The following ADCY2 variants were observed in gnomAD, a reference collection of about 807,000 sequenced individuals.
The protein encoded by ADCY2 is adenylate cyclase 2.
In ADCY2, 31 loss-of-function variants were observed where a neutral mutation model predicts 125.2. The ratio of observed to expected loss-of-function variants is 0.25; its 90% CI spans 0.19 to 0.33. ADCY2 has a LOEUF of 0.33. ADCY2 is among the 10% of genes least tolerant of loss of function. ADCY2 has a pLI of 1.00. For synonymous variants in ADCY2, 512 were observed against 548.4 expected, an observed-to-expected ratio of 0.93 and a Z score of 0.93; for missense variants, 904 against 1,418.2, an observed-to-expected ratio of 0.64 and a Z score of 5.82.
chr5:7,745,353 T>G (rs749878690), intron 15 of ADCY2, among the ~76,000 whole-genome samples: 19 of 152,230 alleles, frequency 1.2e-4, no homozygotes, highest in Non-Finnish European at 2.4e-4. Context: ...TTTTGTTTAC[T>G]GTTTGATAGT....
In ADCY2 at chr5:7,584,530, C is replaced by T. The variant is rs140070836; in HGVS notation, c.571-41637C>T. Among the ~76,000 whole-genome samples, 27 of 152,174 alleles carry T rather than the reference C, an allele frequency of 1.8e-4. No homozygotes were observed. The East Asian group carries it at 5.2e-3, about 29-fold the overall frequency. On this transcript the variant is annotated intron_variant, in intron 3 of 24. Transcript: ENST00000338316. ...TAGATCAAAAAGAAGAAAGTATAGA[C>T]ACGTATCACTATGTTTGGAGATTGT... is the stretch of plus-strand genomic sequence containing the variant.
chr5:7,731,199 TG>T (rs1433803649), intron 14 of ADCY2, among the ~76,000 whole-genome samples: 1 of 152,086 alleles, frequency 6.6e-6, no homozygotes, highest in Non-Finnish European at 1.5e-5. Flanking sequence ...CTAACCTTTT[TG>T]TATATATAAT....
At position 7,396,288 on chromosome 5, in the gene ADCY2, G is replaced by C; in HGVS notation, c.-9G>C. On this transcript the variant is annotated 5_prime_UTR_variant, in exon 1 of 25. Transcript: ENST00000338316. The surrounding 1 kb of genome is among the most constrained non-coding windows in gnomAD (Gnocchi z 5.7). Reference sequence around the variant, plus strand: ...GGCGCGCACGGCGGGCGCCCTGTGAGCGGCCCCGATGTGGCAGGAGGCGAT... The same window carrying C: ...GGCGCGCACGGCGGGCGCCCTGTGACCGGCCCCGATGTGGCAGGAGGCGAT... The C allele has an allele frequency of 8.1e-7, 1 of 1,231,778 alleles. No individual in the cohort carries two copies. Among genetic ancestry groups the C allele is most frequent in the South Asian group, 2.5e-5 (1 of 39,274 alleles). The allele number at this position is 1,231,778 out of a possible 1,614,324, so 76.3% of individuals were successfully genotyped here.
At chr5:7,611,261 A>G (rs1692457773) in intron 3 of ADCY2, 1 of 152,200 alleles carries the variant, frequency 6.6e-6, no homozygotes, top group Admixed American at 6.5e-5. Context: ...AATGTTTCTC[A>G]AGTAGTTAAA....
intron 2 of ADCY2, among the ~76,000 whole-genome samples, chr5:7,454,526 G>T (rs187798724): frequency 1.2e-3 from 177 of 152,250 alleles, no homozygotes; most frequent in African/African-American, 4.0e-3. Flanking sequence ...CTATCTTGCT[G>T]CCTCTTCCAA....
At chr5:7,444,177 G>T (rs1411325329) in intron 2 of ADCY2, among the ~76,000 whole-genome samples, 1 of 148,786 alleles carries the variant, frequency 6.7e-6, no homozygotes, top group Non-Finnish European at 1.5e-5. Context: ...GCAGTGGCGG[G>T]ATCTCGGCTC....
chr5:7,436,026 T>A (rs1389103453), intron 2 of ADCY2, among the ~76,000 whole-genome samples: 5 of 152,228 alleles, frequency 3.3e-5, no homozygotes, highest in Non-Finnish European at 7.3e-5. Flanking sequence ...GTTCCATATT[T>A]GTGAATTTAC....
chr5:7,551,790 G>A (rs947850647), intron 3 of ADCY2, among the ~76,000 whole-genome samples: 9 of 152,162 alleles, frequency 5.9e-5, no homozygotes, highest in African/African-American at 1.7e-4. Context: ...TACTAGATAT[G>A]TTTCTTTGAA....
At position 7,429,099 on chromosome 5, in the gene ADCY2, TAAGAGCAATCTACTGAGGCCA is replaced by T. The variant is rs529748143; in HGVS notation, c.408+14334_408+14354del. 9.2e-5 allele frequency among the ~76,000 whole-genome samples: 14 copies of T among 152,126 alleles called. No individual in the cohort carries two copies. The South Asian group carries it at 2.9e-3, about 32-fold the overall frequency. ...AGCAGAGTACTGACAGGCACATGCC[TAAGAGCAATCTACTGAGGCCA>T]AAGAAAAAAGCTCCAGGAAAGAGCA... On this transcript the variant is annotated intron_variant, in intron 2 of 24. Coordinates refer to ENST00000338316, the MANE Select transcript of ADCY2 (RefSeq NM_020546.3).
Position 7,396,229 on chromosome 5 carries a change from C to T in ADCY2, c.-68C>T, listed in dbSNP as rs1358978827. The T allele has an allele frequency of 2.2e-5, 20 of 891,570 alleles. No individual in the cohort carries two copies. The African/African-American group carries it at 2.8e-4, about 13-fold the overall frequency. The allele number at this position is 891,570 out of a possible 1,614,324, so 55.2% of individuals were successfully genotyped here. A position where few individuals can be genotyped will look rare whatever the true frequency, so the allele number is the denominator to read the frequency against. Reference sequence around the variant, plus strand: ...GCCGAGGCGGCGCGGGGGTGGGACGCGGGCGGCCGCGGCGAGCGGCGCTGC... The same window carrying T: ...GCCGAGGCGGCGCGGGGGTGGGACGTGGGCGGCCGCGGCGAGCGGCGCTGC... On this transcript the variant is annotated 5_prime_UTR_variant, in exon 1 of 25. Transcript: ENST00000338316. The surrounding 1 kb of genome is among the most constrained non-coding windows in gnomAD (Gnocchi z 5.7).
chr5:7,626,353 GTCAT>G, intron 4 of ADCY2, 37 bp downstream of exon 4: 1 of 1,601,294 alleles, frequency 6.2e-7, no homozygotes, highest in Non-Finnish European at 8.5e-7. Flanking sequence ...CATTATTTTA[GTCAT>G]TATTAAAATG....
At chr5:7,501,650 C>CCA (rs1554014548) in intron 2 of ADCY2, among the ~76,000 whole-genome samples, 1 of 95,370 alleles carries the variant, frequency 1.0e-5, no homozygotes, top group Admixed American at 9.9e-5. Flanking sequence ...CCCCCCTCCC[C>CCA]CCCCCCCCGC....
chr5:7,465,398 TG>T (rs1408779306), intron 2 of ADCY2, among the ~76,000 whole-genome samples: 1 of 151,594 alleles, frequency 6.6e-6, no homozygotes, highest in African/African-American at 2.4e-5. Flanking sequence ...CCACCTTCCT[TG>T]TTGTTCAAAG....
At chr5:7,784,310 G>C (rs546565812) in intron 18 of ADCY2, 55 bp from the exon 19 acceptor site, 1 of 1,242,082 alleles carries the variant, frequency 8.1e-7, no homozygotes. Context: ...TCTAAGTCCT[G>C]TATGCGTGTT....
At position 7,666,732 on chromosome 5, in the gene ADCY2, G is replaced by A. The variant is rs539111252; in HGVS notation, c.721-23959G>A. Among the ~76,000 whole-genome samples, 8 of 152,306 alleles carry A rather than the reference G, an allele frequency of 5.3e-5. No homozygotes were observed. In the South Asian group the frequency reaches 1.0e-3, roughly 20 times the overall value. ...ATGGGGCCTCAGTGCCAGTGCTGGC[G>A]GTGCCTACGGCTCTGTGCTCAGTTG... On this transcript the variant is annotated intron_variant, in intron 4 of 24. Coordinates refer to ENST00000338316, the MANE Select transcript of ADCY2 (RefSeq NM_020546.3).
chr5:7,777,984 G>T (rs1743794928), intron 18 of ADCY2, among the ~76,000 whole-genome samples: 1 of 152,118 alleles, frequency 6.6e-6, no homozygotes, highest in Non-Finnish European at 1.5e-5. Context: ...AAGGCAGCTT[G>T]GCAGTTTCTC....
At chr5:7,435,133 C>G (rs766431268) in intron 2 of ADCY2, among the ~76,000 whole-genome samples, 27 of 152,190 alleles carry the variant, frequency 1.8e-4, no homozygotes, top group Non-Finnish European at 3.1e-4. Context: ...GTATCACTGT[C>G]ACACTATGTG....
At chr5:7,561,083 C>G (rs1015296509) in intron 3 of ADCY2, among the ~76,000 whole-genome samples, 1 of 152,176 alleles carries the variant, frequency 6.6e-6, no homozygotes, top group Non-Finnish European at 1.5e-5. Context: ...GGAAAGGTTA[C>G]GATTATGATT....
At chr5:7,797,165 T>A (rs1311866423) in intron 20 of ADCY2, 2 of 152,274 alleles carry the variant, frequency 1.3e-5, no homozygotes, top group African/African-American at 4.8e-5. Context: ...GGGGTTTCAA[T>A]AGACGCTTCT....
Sources: gnomAD v4.1 joint callset for allele counts (sites outside exome capture counted in the v4.1 genomes callset) on GRCh38, gnomAD v4.1.1 for gene constraint, Gnocchi (gnomAD v3.1) non-coding constraint, MANE v1.5 for transcripts, NCBI Gene and HGNC (gene_info 2026-07-23, HGNC 2026-07-21) for gene names.